The following TEX11 variants were observed in gnomAD, a reference collection of about 807,000 sequenced individuals.
The protein encoded by TEX11 is testis expressed 11.
TEX11 carries 7 observed loss-of-function variants against 84.4 expected under a neutral mutation model. The observed-to-expected ratio is 0.08, with a 90% confidence interval of 0.05 to 0.16. TEX11 has a LOEUF of 0.16. Among genes scored for constraint, TEX11 ranks in the 10% least tolerant of loss-of-function variants. The probability of loss-of-function intolerance (pLI) is 1.00; values close to 1 mark genes in which losing one functional copy is unlikely to be tolerated. For synonymous variants in TEX11, 264 were observed against 222.8 expected (o/e 1.18, Z -1.64); for missense variants, 551 against 660.5 (o/e 0.83, Z 1.82).
At chrX:70,727,756 ATC>A (rs1008849994) in intron 11 of TEX11, among the ~76,000 whole-genome samples, 11 of 107,705 alleles carry the variant, frequency 1.0e-4, no homozygotes, top group Admixed American at 2.0e-4. Context: ...ATGAGAGATG[ATC>A]TCTCTCTCTC....
intron 8 of TEX11, among the ~76,000 whole-genome samples, chrX:70,828,340 A>G (rs1305948465): frequency 1.8e-5 from 2 of 111,021 alleles, no homozygotes; most frequent in Admixed American, 9.7e-5. Flanking sequence ...GAAATTTGAA[A>G]TAACACAAAG....
At chrX:70,539,017 G>T (rs1466918641) in intron 28 of TEX11, among the ~76,000 whole-genome samples, 2 of 21,863 alleles carry the variant, frequency 9.1e-5, no homozygotes, top group Admixed American at 9.9e-4. Context: ...AAGACACTTG[G>T]AAATATATAT....
chrX:70,822,580 T>C (rs1363138951), intron 8 of TEX11, among the ~76,000 whole-genome samples: 3 of 111,501 alleles, frequency 2.7e-5, no homozygotes, highest in Non-Finnish European at 3.8e-5. Context: ...ATATCGGCCT[T>C]AGTCAGTTTG....
intron 13 of TEX11, among the ~76,000 whole-genome samples, chrX:70,719,506 C>G (rs1262441365): frequency 9.0e-6 from 1 of 111,559 alleles, no homozygotes; most frequent in Non-Finnish European, 1.9e-5. Context: ...CAACAAAAGC[C>G]AAAATTGACA....
chrX:70,624,059 G>A (rs762440611), intron 19 of TEX11, 53 bp from the exon 20 acceptor site: 2 of 1,017,671 alleles, frequency 2.0e-6, no homozygotes, highest in South Asian at 4.4e-5. Flanking sequence ...AGAAACATGT[G>A]TGAATGAATA....
At chrX:70,708,243 A>T (rs752784947) in intron 13 of TEX11, among the ~76,000 whole-genome samples, 2 of 111,885 alleles carry the variant, frequency 1.8e-5, no homozygotes, top group East Asian at 5.6e-4. Context: ...CAAAACCACA[A>T]TGAGATACTA....
chrX:70,549,874 G>T lies in TEX11; in HGVS notation c.2520+2252C>A, dbSNP rs139797640. On this transcript the variant is annotated intron_variant, in intron 28 of 29. Transcript: ENST00000374333. ...GACAGCCTGGCTGGCTTCATCACCT[G>T]CTGACTGTAGAGCCCTAAGGCATTG... Among the ~76,000 whole-genome samples, 712 of 112,678 alleles carry T rather than the reference G, an allele frequency of 6.3e-3. 4 individuals carry two copies. Among genetic ancestry groups the T allele is most frequent in the African/African-American group, 0.022 (673 of 31,051 alleles).
intron 17 of TEX11, among the ~76,000 whole-genome samples, chrX:70,640,437 C>T (rs2089639941): frequency 9.5e-6 from 1 of 105,648 alleles, no homozygotes; most frequent in Admixed American, 1.0e-4. Flanking sequence ...AGATACTCCT[C>T]GAGAAGAGCA....
At chrX:70,654,494 T>C (rs1169369954) in intron 16 of TEX11, among the ~76,000 whole-genome samples, 2 of 110,386 alleles carry the variant, frequency 1.8e-5, no homozygotes, top group African/African-American at 3.3e-5. Flanking sequence ...GCAGATCCCC[T>C]GAGAACAGGA....
chrX:70,832,513 A>C (rs763651385), intron 8 of TEX11, among the ~76,000 whole-genome samples: 1 of 112,098 alleles, frequency 8.9e-6, no homozygotes, highest in African/African-American at 3.2e-5. Flanking sequence ...CAACATATAA[A>C]TGTTTACTGA....
chrX:70,792,503 A>G (rs1391470490), intron 9 of TEX11, among the ~76,000 whole-genome samples: 1 of 102,144 alleles, frequency 9.8e-6, no homozygotes, highest in Non-Finnish European at 2.0e-5. Context: ...ACAAAAACAA[A>G]CTAACCTCAA....
intron 24 of TEX11, among the ~76,000 whole-genome samples, chrX:70,601,166 T>TA (rs1316900760): frequency 1.7e-5 from 1 of 60,009 alleles, no homozygotes; most frequent in Non-Finnish European, 3.2e-5. Flanking sequence ...ATAGATGCAA[T>TA]AAAAAATGAT....
chrX:70,636,715 T>C (rs2089578777), intron 17 of TEX11, among the ~76,000 whole-genome samples: 1 of 112,021 alleles, frequency 8.9e-6, no homozygotes, highest in African/African-American at 3.2e-5. Context: ...CCAAGCCCAA[T>C]CCTTCAGACC....
At chrX:70,605,591 A>G (rs918858238) in intron 23 of TEX11, 74 bp from the exon 24 acceptor site, 1 of 681,344 alleles carries the variant, frequency 1.5e-6, no homozygotes. Flanking sequence ...CAGAATGAAA[A>G]TCAGCAACTT....
intron 9 of TEX11, among the ~76,000 whole-genome samples, chrX:70,761,418 C>T (rs1007722536): frequency 9.0e-6 from 1 of 111,619 alleles, no homozygotes; most frequent in African/African-American, 3.3e-5. Context: ...CACCATGGAA[C>T]ACTATGCAGC....
intron 9 of TEX11, among the ~76,000 whole-genome samples, chrX:70,790,603 T>C (rs1356637635): frequency 8.9e-6 from 1 of 112,199 alleles, no homozygotes; most frequent in Non-Finnish European, 1.9e-5. Flanking sequence ...ACGACCCTGA[T>C]GACTGCTGGG....
chrX:70,844,366 A>T (rs1224591815), intron 7 of TEX11, among the ~76,000 whole-genome samples: 2 of 104,945 alleles, frequency 1.9e-5, no homozygotes, highest in Non-Finnish European at 3.9e-5. Context: ...CAAGGACAAA[A>T]AACCAAACAC....
At chrX:70,817,765 AGAAAG>A (rs902576059) in intron 8 of TEX11, among the ~76,000 whole-genome samples, 1 of 110,165 alleles carries the variant, frequency 9.1e-6, no homozygotes, top group African/African-American at 3.3e-5. Flanking sequence ...AAAAAGGAAA[AGAAAG>A]GAAAGGAAAA....
intron 25 of TEX11, among the ~76,000 whole-genome samples, chrX:70,559,932 C>A (rs778752601): frequency 7.9e-4 from 88 of 111,441 alleles, no homozygotes; most frequent in South Asian, 1.5e-3. Flanking sequence ...TACTGCCAAA[C>A]AGTTTTCCAA....
Sources: allele counts gnomAD v4.1 joint callset (sites outside exome capture counted in the v4.1 genomes callset), GRCh38; gene constraint gnomAD v4.1.1; transcripts MANE v1.5; gene names NCBI Gene and HGNC (gene_info 2026-07-23, HGNC 2026-07-21).